The following MAGI2 variants were observed in gnomAD, a reference collection of about 807,000 sequenced individuals.
MAGI2 encodes the protein membrane associated guanylate kinase, WW and PDZ domain containing 2.
MAGI2 carries 35 observed loss-of-function variants against 133.3 expected under a neutral mutation model. The ratio of observed to expected loss-of-function variants is 0.26; its 90% CI spans 0.20 to 0.35. MAGI2 has a LOEUF of 0.35. Among genes scored for constraint, MAGI2 ranks in the 10% least tolerant of loss-of-function variants. MAGI2 has a pLI of 1.00. For synonymous variants in MAGI2, 729 were observed against 710.6 expected (o/e 1.03, Z -0.41); for missense variants, 1,636 against 1,863.4 (o/e 0.88, Z 2.25).
At chr7:78,403,190 C>T (rs1797056257) in intron 6 of MAGI2, among the ~76,000 whole-genome samples, 1 of 152,156 alleles carries the variant, frequency 6.6e-6, no homozygotes, top group South Asian at 2.1e-4. Context: ...GTGATGTTCC[C>T]CTTCCTGTGT....
chr7:78,655,454 C>CAAAAAAAAAAAAAAAAAAAAAAAACAAAA, intron 2 of MAGI2, among the ~76,000 whole-genome samples: 2 of 64,946 alleles, frequency 3.1e-5, no homozygotes, highest in Non-Finnish European at 5.6e-5. Flanking sequence ...AAAAAACAAC[C>CAAAAAAAAAAAAAAAAAAAAAAAACAAAA]AAAAAAAAAA....
chr7:79,272,907 T>TA (rs1834977973), intron 1 of MAGI2, among the ~76,000 whole-genome samples: 1 of 152,118 alleles, frequency 6.6e-6, no homozygotes, highest in Non-Finnish European at 1.5e-5. Context: ...TCTATCCATA[T>TA]AATTTTCCTT....
chr7:78,581,146 T>C (rs763288628), intron 3 of MAGI2, among the ~76,000 whole-genome samples: 19 of 152,260 alleles, frequency 1.2e-4, no homozygotes, highest in Non-Finnish European at 1.9e-4. Context: ...ACTTGGTGAG[T>C]GCCAGCAGAA....
chr7:78,177,418 GCACACACACACA>G (rs3972360), intron 14 of MAGI2, among the ~76,000 whole-genome samples: 1 of 120,262 alleles, frequency 8.3e-6, no homozygotes, highest in African/African-American at 3.0e-5. Flanking sequence ...GTGAATACGC[GCACACACACACA>G]CACACACACA....
intron 12 of MAGI2, among the ~76,000 whole-genome samples, 185 bp from the exon 13 acceptor site, chr7:78,185,855 T>C (rs1303806328): frequency 6.6e-6 from 1 of 152,198 alleles, no homozygotes; most frequent in Admixed American, 6.5e-5. Flanking sequence ...TATGAGCATG[T>C]ATGTAAATAT....
At chr7:78,433,665 C>T (rs1800003394) in intron 6 of MAGI2, among the ~76,000 whole-genome samples, 1 of 152,052 alleles carries the variant, frequency 6.6e-6, no homozygotes, top group Non-Finnish European at 1.5e-5. Context: ...TTCTGGATGA[C>T]ATCAGCATTC....
At chr7:78,633,613 G>A (rs1809288897) in intron 2 of MAGI2, among the ~76,000 whole-genome samples, 1 of 151,616 alleles carries the variant, frequency 6.6e-6, no homozygotes, top group Non-Finnish European at 1.5e-5. Flanking sequence ...GGCTGAGGCA[G>A]GAGAATGGCG....
chr7:78,529,041 T>C (rs1398579849), intron 3 of MAGI2, among the ~76,000 whole-genome samples: 1 of 152,140 alleles, frequency 6.6e-6, no homozygotes, highest in Non-Finnish European at 1.5e-5. Context: ...CCTAAGAATT[T>C]CAAATTTGTT....
At chr7:78,110,614 G>A (rs1819262498) in intron 20 of MAGI2, among the ~76,000 whole-genome samples, 1 of 152,208 alleles carries the variant, frequency 6.6e-6, no homozygotes, top group Non-Finnish European at 1.5e-5. Flanking sequence ...ATATGGAGAA[G>A]TACTTAATTC....
Position 79,453,324 on chromosome 7 carries a change from A to C in MAGI2, c.-4T>G. 6.3e-7 allele frequency: 1 copy of C among 1,599,882 alleles called. No individual in the cohort carries two copies. Among genetic ancestry groups the C allele is most frequent in the Non-Finnish European group, 8.5e-7 (1 of 1,172,040 alleles). On this transcript the variant is annotated 5_prime_UTR_variant, in exon 1 of 22. Transcript: ENST00000354212. ...TCTTTTTCAAGCTTTTGGACATGGC[A>C]GTGGGGCGAGTCGCCTCAGTTCCTG... is the stretch of plus-strand genomic sequence containing the variant.
chr7:78,021,799 A>G (rs759519273), intron 21 of MAGI2, among the ~76,000 whole-genome samples: 5 of 152,208 alleles, frequency 3.3e-5, no homozygotes, highest in Admixed American at 3.3e-4. Flanking sequence ...TGGACCAACA[A>G]CTAAATCTCT....
intron 1 of MAGI2, among the ~76,000 whole-genome samples, chr7:79,434,470 A>C (rs1185618878): frequency 3.3e-5 from 5 of 152,234 alleles, no homozygotes; most frequent in Non-Finnish European, 7.3e-5. Flanking sequence ...TATGAGCAAA[A>C]ATGCATTTCA....
chr7:78,270,176 G>A (rs936969604), intron 9 of MAGI2, among the ~76,000 whole-genome samples: 7 of 152,136 alleles, frequency 4.6e-5, no homozygotes, highest in Admixed American at 1.3e-4. Context: ...TAGCCTTGTA[G>A]TATAGTTTGA....
At chr7:79,048,779 G>A (rs1395424715) in intron 1 of MAGI2, among the ~76,000 whole-genome samples, 1 of 152,044 alleles carries the variant, frequency 6.6e-6, no homozygotes, top group East Asian at 1.9e-4. Flanking sequence ...TTCGAGACCA[G>A]CCTGGCCAAC....
intron 2 of MAGI2, among the ~76,000 whole-genome samples, chr7:78,990,706 A>T (rs962725224): frequency 6.6e-6 from 1 of 152,076 alleles, no homozygotes; most frequent in Non-Finnish European, 1.5e-5. Flanking sequence ...AGAAAGGTAC[A>T]TTGATATGAG....
In MAGI2 at chr7:79,321,346, G is replaced by A. The variant is rs141506402; in HGVS notation, c.301+131674C>T. ...TGTAAATTTATTAACTTTTTTTAGT[G>A]CTTTGACATAATTTAATATTCAATC... On this transcript the variant is annotated intron_variant, in intron 1 of 21. Coordinates refer to ENST00000354212, the MANE Select transcript of MAGI2 (RefSeq NM_012301.4). Among the ~76,000 whole-genome samples the A allele has an allele frequency of 4.0e-4, 61 of 152,120 alleles. No individual in the cohort carries two copies. The East Asian group carries it at 0.011, about 28-fold the overall frequency.
chr7:78,119,685 G>A (rs1820237394), intron 20 of MAGI2, among the ~76,000 whole-genome samples: 1 of 151,960 alleles, frequency 6.6e-6, no homozygotes, highest in South Asian at 2.1e-4. Context: ...ATACCAGTCT[G>A]GTGGGAAATG....
chr7:79,223,540 A>G (rs1371133902), intron 1 of MAGI2, among the ~76,000 whole-genome samples: 1 of 151,934 alleles, frequency 6.6e-6, no homozygotes, highest in Non-Finnish European at 1.5e-5. Flanking sequence ...CAGACAAGAA[A>G]TCTGAGGCCA....
chr7:78,800,572 C>T (rs1308697597), intron 2 of MAGI2, among the ~76,000 whole-genome samples: 3 of 151,974 alleles, frequency 2.0e-5, no homozygotes, highest in African/African-American at 7.2e-5. Context: ...CATCACTGCC[C>T]CAAGGACAAA....
Sources: allele counts gnomAD v4.1 joint callset (sites outside exome capture counted in the v4.1 genomes callset), GRCh38; gene constraint gnomAD v4.1.1; transcripts MANE v1.5; gene names NCBI Gene and HGNC (gene_info 2026-07-23, HGNC 2026-07-21).